UACA: variants seen among roughly 807,000 people sequenced by gnomAD.
The protein encoded by UACA is nuclear membrane binding protein.
Under a neutral mutation model 160.5 loss-of-function variants are expected in UACA, and 112 were observed. The ratio of observed to expected loss-of-function variants is 0.70; its 90% confidence interval spans 0.60 to 0.82. The LOEUF (loss-of-function observed/expected upper bound fraction) is 0.82. Among genes scored for constraint, UACA ranks in the 40% least tolerant of loss-of-function variants. UACA has a pLI of 0.00. For synonymous variants in UACA, 557 were observed against 568.4 expected (o/e 0.98, Z 0.29); for missense variants, 1,574 against 1,614.6 (o/e 0.97, Z 0.43).
the UACA span, chr15:70,778,862 G>C: frequency 6.6e-6 from 1 of 152,222 alleles, no homozygotes; most frequent in Non-Finnish European, 1.5e-5. Flanking sequence ...ATCTCTGTAT[G>C]AGAGCAGAAA....
In UACA at chr15:70,717,849, T is replaced by C. The variant is rs559878280; in HGVS notation, c.79-18189A>G. On this transcript the variant is annotated intron_variant, in intron 1 of 18. Coordinates refer to ENST00000322954, the MANE Select transcript of UACA (RefSeq NM_018003.4). Reference sequence around the variant, plus strand: ...TCAGTTGAGATTACCCTCTATAATGTAGATAGGCCTCAATCCCTTAAAGGG... The same window carrying C: ...TCAGTTGAGATTACCCTCTATAATGCAGATAGGCCTCAATCCCTTAAAGGG... Among the ~76,000 whole-genome samples, 6 of 152,108 alleles carry C rather than the reference T, an allele frequency of 3.9e-5. No individual in the cohort carries two copies. The East Asian group carries it at 5.8e-4, about 15-fold the overall frequency.
rs1265370501 is a variant in UACA at position 70,668,407 on chromosome 15, T to A, written c.2277A>T (p.Ala759=). The change falls in exon 16 of 19, where the codon GCA becomes GCT. Residue 759 remains alanine, a synonymous_variant. Transcript: ENST00000322954. The part of the protein sequence containing the change: ...VSEDMKKSHD[A]IIDDLNRKLL... ...GCTTTCTATTAAGATCATCAATAATTGCATCATGTGACTTTTTCATGTCTT... is the reference window on the plus strand; with the variant it reads ...GCTTTCTATTAAGATCATCAATAATAGCATCATGTGACTTTTTCATGTCTT... 1 of 1,610,620 alleles carries A rather than the reference T, an allele frequency of 6.2e-7. No individual in the cohort carries two copies. Among genetic ancestry groups the A allele is most frequent in the Non-Finnish European group, 8.5e-7 (1 of 1,179,418 alleles).
At chr15:70,720,555 T>C (rs1898958259) in intron 1 of UACA, among the ~76,000 whole-genome samples, 1 of 152,214 alleles carries the variant, frequency 6.6e-6, no homozygotes, top group African/African-American at 2.4e-5. Flanking sequence ...GCAGAACTGG[T>C]ATTTTAGTTC....
the UACA span, among the ~76,000 whole-genome samples, chr15:70,778,117 C>G: frequency 6.6e-6 from 1 of 152,088 alleles, no homozygotes; most frequent in Non-Finnish European, 1.5e-5. Flanking sequence ...GGGAGGATCA[C>G]CTGAGCCCAG....
In UACA at chr15:70,655,657, A is replaced by T. The variant is rs1896458818; in HGVS notation, c.*1399T>A. 1 of 152,252 alleles carries T rather than the reference A, an allele frequency of 6.6e-6. No homozygotes were observed. The highest frequency in any genetic ancestry group is 2.1e-4 in the South Asian group (1 of 4,832). The allele number at this position is 152,252 out of a possible 1,614,324, so 9.4% of individuals were successfully genotyped here. A position where few individuals can be genotyped will look rare whatever the true frequency, so the allele number is the denominator to read the frequency against. ...AGATATTGCTTATGTAAACCGTATAAAGAATTAAAAACAAATCCAATTCTG... is the reference window on the plus strand; with the variant it reads ...AGATATTGCTTATGTAAACCGTATATAGAATTAAAAACAAATCCAATTCTG... On this transcript the variant is annotated 3_prime_UTR_variant, in exon 19 of 19. Coordinates refer to ENST00000322954, the MANE Select transcript of UACA (RefSeq NM_018003.4).
intron 17 of UACA, among the ~76,000 whole-genome samples, chr15:70,662,412 A>G: frequency 6.6e-6 from 1 of 152,228 alleles, no homozygotes; most frequent in African/African-American, 2.4e-5. Context: ...GGAAGAATCA[A>G]TGTCATGAAA....
chr15:70,699,910 TTC>T (rs1185540164), intron 1 of UACA, among the ~76,000 whole-genome samples: 1 of 152,072 alleles, frequency 6.6e-6, no homozygotes, highest in Non-Finnish European at 1.5e-5. Context: ...GTTTCTTTTG[TTC>T]TCTGTCCAGT....
chr15:70,705,911 T>C (rs976103933), intron 1 of UACA, among the ~76,000 whole-genome samples: 2 of 152,204 alleles, frequency 1.3e-5, no homozygotes, highest in Admixed American at 1.3e-4. Flanking sequence ...TCTGATGTGA[T>C]AATCTTATAA....
At chr15:70,752,915 A>G (rs7177970) in intron 1 of UACA, among the ~76,000 whole-genome samples, 27,925 of 152,142 alleles carry the variant, frequency 0.18, 3,976 homozygotes, top group African/African-American at 0.4. Flanking sequence ...ATTCAAAACA[A>G]AAGTTATAAT....
intron 1 of UACA, among the ~76,000 whole-genome samples, chr15:70,704,862 C>G (rs1322570595): frequency 6.6e-6 from 1 of 152,158 alleles, no homozygotes. Flanking sequence ...AAAATCACAG[C>G]AGATTCAGAG....
intron 1 of UACA, among the ~76,000 whole-genome samples, chr15:70,759,647 C>T (rs1471613725): frequency 6.6e-6 from 1 of 152,176 alleles, no homozygotes; most frequent in Non-Finnish European, 1.5e-5. Flanking sequence ...AAGAGTGAAA[C>T]TCCATCTCGA....
At chr15:70,713,203 T>C (rs762745283) in intron 1 of UACA, among the ~76,000 whole-genome samples, 16 of 152,000 alleles carry the variant, frequency 1.1e-4, no homozygotes, top group Non-Finnish European at 2.2e-4. Context: ...TACAAAAAAT[T>C]AGCCGCGCGC....
chr15:70,655,476 C>G lies in UACA; in HGVS notation c.*1580G>C, dbSNP rs1057176200. ...CTTCTGACCTCAGGTGATCTACCTC[C>G]CTCAGCCTCCCAAAGTGCTGGGATT... On this transcript the variant is annotated 3_prime_UTR_variant, in exon 19 of 19. Coordinates refer to ENST00000322954, the MANE Select transcript of UACA (RefSeq NM_018003.4). 2 of 152,124 alleles carry G rather than the reference C, an allele frequency of 1.3e-5. No individual in the cohort carries two copies. Among genetic ancestry groups the G allele is most frequent in the Non-Finnish European group, 2.9e-5 (2 of 68,022 alleles). 9.4% of individuals were successfully genotyped at this position (152,124 alleles called of 1,614,324 possible).
intron 7 of UACA, among the ~76,000 whole-genome samples, chr15:70,685,151 T>G (rs1566974594): frequency 1.3e-5 from 2 of 152,108 alleles, no homozygotes; most frequent in Admixed American, 6.5e-5. Flanking sequence ...AGACTACAAC[T>G]AACGCCATGC....
At chr15:70,744,849 C>G (rs1413001426) in intron 1 of UACA, among the ~76,000 whole-genome samples, 1 of 151,986 alleles carries the variant, frequency 6.6e-6, no homozygotes, top group Non-Finnish European at 1.5e-5. Flanking sequence ...TGGTATTAAC[C>G]AGTAGAAAGA....
At chr15:70,693,790 A>G (rs1786742516) in intron 3 of UACA, among the ~76,000 whole-genome samples, 1 of 152,152 alleles carries the variant, frequency 6.6e-6, no homozygotes, top group Non-Finnish European at 1.5e-5. Flanking sequence ...GGATCCACAC[A>G]ATAAATAGTC....
intron 1 of UACA, among the ~76,000 whole-genome samples, chr15:70,738,775 G>A (rs1311547844): frequency 6.6e-6 from 1 of 152,168 alleles, no homozygotes; most frequent in African/African-American, 2.4e-5. Context: ...CTGAAACAGT[G>A]ATTTAAAATA....
chr15:70,771,774 G>T, the UACA span, among the ~76,000 whole-genome samples: 1 of 152,170 alleles, frequency 6.6e-6, no homozygotes, highest in Non-Finnish European at 1.5e-5. Context: ...AAAGGAGCCT[G>T]TCAAGCATAG....
intron 1 of UACA, among the ~76,000 whole-genome samples, chr15:70,763,017 G>A (rs903389460): frequency 3.1e-4 from 47 of 152,322 alleles, no homozygotes; most frequent in African/African-American, 9.6e-4. Context: ...AGCGGAGTAG[G>A]GGTGCCAATC....
Sources: gnomAD v4.1 joint callset for allele counts (sites outside exome capture counted in the v4.1 genomes callset) on GRCh38, gnomAD v4.1.1 for gene constraint, MANE v1.5 for transcripts, NCBI Gene and HGNC (gene_info 2026-07-23, HGNC 2026-07-21) for gene names.